DCHS1: variants seen among roughly 807,000 people sequenced by gnomAD.
DCHS1 encodes the protein protocadherin-16.
DCHS1 carries 78 observed loss-of-function variants against 213.9 expected under a neutral mutation model. The ratio of observed to expected loss-of-function variants is 0.36; its 90% CI spans 0.30 to 0.44. The LOEUF (loss-of-function observed/expected upper bound fraction) is 0.44. Among genes scored for constraint, DCHS1 ranks in the 20% least tolerant of loss-of-function variants. The pLI is 1.00. For missense variants in DCHS1, 3,946 were observed against 4,395.9 expected (o/e 0.90, Z 2.89); for synonymous variants, 1,828 against 1,873.7 (o/e 0.98, Z 0.63).
In DCHS1 at chr11:6,626,707, G is replaced by A; in HGVS notation, c.6251-42C>T. On this transcript the variant is annotated intron_variant, in intron 14 of 20. Transcript: ENST00000299441. The surrounding 1 kb of genome is among the most constrained non-coding windows in gnomAD (Gnocchi z 5.2). ...ATTGTTGGACTGTGAGCGCGAGACT[G>A]GGAGAGTTTGGGGGACATTTTCAAA... 1 of 1,611,526 alleles carries A rather than the reference G, an allele frequency of 6.2e-7. No homozygotes were observed. Among genetic ancestry groups the A allele is most frequent in the Non-Finnish European group, 8.5e-7 (1 of 1,178,918 alleles).
chr11:6,627,570 C>T lies in DCHS1; in HGVS notation c.5469G>A (p.Leu1823=). 6.2e-7 allele frequency: 1 copy of T among 1,612,894 alleles called. No homozygotes were observed. The highest frequency in any genetic ancestry group is 8.5e-7 in the Non-Finnish European group (1 of 1,179,660). Residue 1823 remains leucine (L), a synonymous_variant, in exon 14 of 21, where the codon CTG becomes CTA. Coordinates refer to ENST00000299441, the MANE Select transcript of DCHS1 (RefSeq NM_003737.4). The surrounding 1 kb of genome is among the most constrained non-coding windows in gnomAD (Gnocchi z 5.4). ...GGCCTCCATCCCGGGCCTCTATCCT[C>T]AGCTGGAAAGCTGGCTCCACTTCTC... ...LDREVEPAFQ[L]RIEARDGGQP... is the part of the protein sequence containing the mutation.
At chr11:6,652,077 G>A (rs895146644) in intron 1 of DCHS1, among the ~76,000 whole-genome samples, 2 of 152,210 alleles carry the variant, frequency 1.3e-5, no homozygotes, top group African/African-American at 4.8e-5. Flanking sequence ...GTGACATTCA[G>A]GGGGCATACA....
chr11:6,639,945 G>C lies in DCHS1; in HGVS notation c.1669C>G (p.Pro557Ala), dbSNP rs377088444. 1 of 1,614,028 alleles carries C rather than the reference G, an allele frequency of 6.2e-7. No individual in the cohort carries two copies. Among genetic ancestry groups the C allele is most frequent in the Admixed American group, 1.7e-5 (1 of 60,034 alleles). The change falls in exon 2 of 21, where the codon CCT (proline) becomes GCT (alanine). Residue 557 changes from proline to alanine, a missense_variant. Pro to Ala is a conservative substitution (Grantham distance 27, BLOSUM62 -1). Coordinates refer to ENST00000299441, the MANE Select transcript of DCHS1 (RefSeq NM_003737.4). ...IVVATDGGLP[P>A]LASSATVSVA... is the part of the protein sequence containing the mutation. The stretch of plus-strand genomic sequence containing the variant: ...CTAACTGTGGCAGAGGAGGCTAGAG[G>C]GGGCAGGCCACCATCTGTGGCCACC...
At position 6,641,018 on chromosome 11, in the gene DCHS1, G is replaced by A; in HGVS notation, c.596C>T (p.Pro199Leu). The A allele has an allele frequency of 6.2e-7, 1 of 1,614,008 alleles. No homozygotes were observed. The highest frequency in any genetic ancestry group is 1.6e-4 in the Middle Eastern group (1 of 6,062). Residue 199 changes from proline (P) to leucine (L), a missense_variant, in exon 2 of 21, where the codon CCA becomes CTA. Physicochemically the swap from Pro to Leu is moderately conservative, Grantham distance 98. Around this residue, in one of 3 missense-constraint regions of DCHS1, gnomAD observed 3,384 missense variants for 3,780.1 expected, o/e 0.90. Coordinates refer to ENST00000299441, the MANE Select transcript of DCHS1 (RefSeq NM_003737.4). This position sits in a 1 kb window ranked among gnomAD's most constrained non-coding sequence, Gnocchi z 7.1. ...CAGCTCAGGTACTGGAGTCCCATCT[G>A]GACCGGGGCGTGTCTCCAGCCGGAA... The part of the protein sequence containing the change: ...ETFRLETRPG[P>L]DGTPVPELVV...
Position 6,629,769 on chromosome 11 carries a change from C to A in DCHS1, c.4938G>T (p.Ala1646=), listed in dbSNP as rs77585323. Residue 1646 remains alanine, a synonymous_variant, in exon 11 of 21, where the codon GCG becomes GCT. Coordinates refer to ENST00000299441, the MANE Select transcript of DCHS1 (RefSeq NM_003737.4). ...TGTACTCCTGCTGCTGGAAAGTAGG[C>A]GCCTCGTCGTTGACGTCAGCGACAC... ...TVSVADVNDE[A]PTFQQQEYSV... 4,716 of 1,613,718 alleles carry A rather than the reference C, an allele frequency of 2.9e-3. 10 individuals are homozygous for A. Among genetic ancestry groups the A allele is most frequent in the Non-Finnish European group, 3.8e-3 (4,510 of 1,179,894 alleles).
Position 6,632,305 on chromosome 11 carries a change from T to C in DCHS1, c.3207A>G (p.Ile1069Met), listed in dbSNP as rs750519535. The change falls in exon 6 of 21, where the codon ATA becomes ATG. Residue 1069 changes from isoleucine to methionine, a missense_variant. Physicochemically the swap from Ile to Met is conservative, Grantham distance 10. Coordinates refer to ENST00000299441, the MANE Select transcript of DCHS1 (RefSeq NM_003737.4). This position sits in a 1 kb window ranked among gnomAD's most constrained non-coding sequence, Gnocchi z 5.9. ...ALDREAQELY[I>M]LKVMAVSGSK... The stretch of plus-strand genomic sequence containing the variant: ...ACCCAGACACTGCCATTACCTTCAG[T>C]ATGTACAATTCCTGGGCCTCACGGT... 2 of 1,613,918 alleles carry C rather than the reference T, an allele frequency of 1.2e-6. No individual in the cohort carries two copies. The highest frequency in any genetic ancestry group is 1.7e-6 in the Non-Finnish European group (2 of 1,179,846).
At chr11:6,642,760 A>C (rs1341867094) in intron 1 of DCHS1, among the ~76,000 whole-genome samples, 2 of 152,186 alleles carry the variant, frequency 1.3e-5, no homozygotes, top group Non-Finnish European at 2.9e-5. Flanking sequence ...CCACTAAAGC[A>C]CTTCAAGGAG....
Position 6,622,248 on chromosome 11 carries a change from A to T in DCHS1, c.9428T>A (p.Val3143Glu). Residue 3143 changes from valine (V) to glutamate (E), a missense_variant, in exon 21 of 21, where the codon GTG (valine) becomes GAG (glutamate). Val to Glu is a moderately radical substitution (Grantham distance 121). Around this residue, in one of 3 missense-constraint regions of DCHS1, gnomAD observed 554 missense variants for 590.2 expected, o/e 0.94. Coordinates refer to ENST00000299441, the MANE Select transcript of DCHS1 (RefSeq NM_003737.4). This position sits in a 1 kb window ranked among gnomAD's most constrained non-coding sequence, Gnocchi z 5.4. The part of the protein sequence containing the change: ...YGFPADGKPC[V>E]AGALTAIVAG... ...CACAATGGCTGTCAGCGCACCTGCC[A>T]CACATGGCTTGCCATCTGCTGGGAA... The T allele has an allele frequency of 6.2e-7, 1 of 1,603,206 alleles. No homozygotes were observed. The highest frequency in any genetic ancestry group is 1.1e-5 in the South Asian group (1 of 89,716).
intron 1 of DCHS1, among the ~76,000 whole-genome samples, chr11:6,650,379 G>T (rs1201398242): frequency 6.6e-6 from 1 of 152,140 alleles, no homozygotes; most frequent in Non-Finnish European, 1.5e-5. Context: ...GTGTCAGAAG[G>T]TTACCTAGGG....
Position 6,640,419 on chromosome 11 carries a change from C to G in DCHS1, c.1195G>C (p.Ala399Pro). ...CCTTCCAGGGACACATTGACATGGGCAAAGTCACCATCATCTGGGTCTGAC... is the reference window on the plus strand; with the variant it reads ...CCTTCCAGGGACACATTGACATGGGGAAAGTCACCATCATCTGGGTCTGAC... ...SVSDPDDGDFAHVNVSLEGGE... is the reference protein window; with the variant it reads ...SVSDPDDGDFPHVNVSLEGGE... Residue 399 changes from alanine to proline, a missense_variant, in exon 2 of 21, where the codon GCC becomes CCC. Physicochemically the swap from Ala to Pro is conservative, Grantham distance 27. This residue lies in a region of DCHS1 where 3,384 missense variants were observed against 3,780.1 expected (regional missense o/e 0.90). Coordinates refer to ENST00000299441, the MANE Select transcript of DCHS1 (RefSeq NM_003737.4). This position sits in a 1 kb window ranked among gnomAD's most constrained non-coding sequence, Gnocchi z 6.5. 1 of 1,613,952 alleles carries G rather than the reference C, an allele frequency of 6.2e-7. No homozygotes were observed. The highest frequency in any genetic ancestry group is 8.5e-7 in the Non-Finnish European group (1 of 1,179,882).
In DCHS1 at chr11:6,655,806, C is replaced by A. The variant is rs1856308794; in HGVS notation, c.-364G>T. On this transcript the variant is annotated 5_prime_UTR_variant, in exon 1 of 21. Coordinates refer to ENST00000299441, the MANE Select transcript of DCHS1 (RefSeq NM_003737.4). ...GCCGCCCCGCCGAGGATGCGAGCTCCGCTGCCGCGGCCCCGCGCCCCCTCC... is the reference window on the plus strand; with the variant it reads ...GCCGCCCCGCCGAGGATGCGAGCTCAGCTGCCGCGGCCCCGCGCCCCCTCC... 1 of 952,368 alleles carries A rather than the reference C, an allele frequency of 1.1e-6. No individual in the cohort carries two copies. Among genetic ancestry groups the A allele is most frequent in the African/African-American group, 1.9e-5 (1 of 53,822 alleles). 59.0% of individuals were successfully genotyped at this position (952,368 alleles called of 1,614,324 possible). A position where few individuals can be genotyped will look rare whatever the true frequency, so the allele number is the denominator to read the frequency against.
rs773321588 is a variant in DCHS1 at position 6,624,727 on chromosome 11, C to T, written c.7285+3G>A. ...CAAGGGGCAGATCCTGGGAAAGACG[C>T]ACCATTGTTGGGGTCAACACTGAAG... is the stretch of plus-strand genomic sequence containing the variant. On this transcript the variant is annotated splice_donor_region_variant and intron_variant, in intron 20 of 20. Transcript: ENST00000299441. 19 of 1,613,788 alleles carry T rather than the reference C, an allele frequency of 1.2e-5. No homozygotes were observed. In the South Asian group the frequency reaches 1.8e-4, roughly 15 times the overall value.
chr11:6,641,168 G>A lies in DCHS1; in HGVS notation c.446C>T (p.Ala149Val), dbSNP rs2134645873. ...AGCTGTATGCTCAGGTACCTGCAGG[G>A]CAGCCCGAGCCTGTGGGAAGGCTGG... is the stretch of plus-strand genomic sequence containing the variant. The part of the protein sequence containing the change: ...HAPAFPQARA[A>V]LQVPEHTAFG... Residue 149 changes from alanine to valine, a missense_variant, in exon 2 of 21, where the codon GCC becomes GTC. This residue lies in a region of DCHS1 where 3,384 missense variants were observed against 3,780.1 expected (regional missense o/e 0.90). Coordinates refer to ENST00000299441, the MANE Select transcript of DCHS1 (RefSeq NM_003737.4). The surrounding 1 kb of genome is among the most constrained non-coding windows in gnomAD (Gnocchi z 7.1). 1.9e-6 allele frequency: 3 copies of A among 1,613,500 alleles called. No homozygotes were observed. The highest frequency in any genetic ancestry group is 1.7e-6 in the Non-Finnish European group (2 of 1,179,848).
Position 6,633,420 on chromosome 11 carries a change from T to A in DCHS1, c.2447A>T (p.Asn816Ile). Residue 816 changes from asparagine to isoleucine, a missense_variant, in exon 5 of 21, where the codon AAC becomes ATC. Around this residue, in one of 3 missense-constraint regions of DCHS1, gnomAD observed 3,384 missense variants for 3,780.1 expected, o/e 0.90. Coordinates refer to ENST00000299441, the MANE Select transcript of DCHS1 (RefSeq NM_003737.4). ...GTSVGIVQAH[N>I]PPGRLAPVTL... ...ATAAAGCTAAATGATACCTGGTGGG[T>A]TGTGTGCCTGGACTATGCCCACACT... 6.4e-7 allele frequency: 1 copy of A among 1,555,570 alleles called. No homozygotes were observed. Among genetic ancestry groups the A allele is most frequent in the Non-Finnish European group, 8.7e-7 (1 of 1,149,000 alleles).
Position 6,628,799 on chromosome 11 carries a change from C to T in DCHS1, c.5193G>A (p.Gln1731=). 2 of 1,613,920 alleles carry T rather than the reference C, an allele frequency of 1.2e-6. No individual in the cohort carries two copies. The highest frequency in any genetic ancestry group is 1.7e-6 in the Non-Finnish European group (2 of 1,179,844). The part of the protein sequence containing the change: ...VYAQDRGSPP[Q]LTHVTVRVAV... The stretch of plus-strand genomic sequence containing the variant: ...CCACTCGAACAGTGACATGCGTTAA[C>T]TGAGGAGGTGAGCCCCTGTCCTGGG... The change falls in exon 13 of 21, where the codon CAG becomes CAA. Residue 1731 remains glutamine, a synonymous_variant. Coordinates refer to ENST00000299441, the MANE Select transcript of DCHS1 (RefSeq NM_003737.4). The surrounding 1 kb of genome is among the most constrained non-coding windows in gnomAD (Gnocchi z 4.3).
rs1564864270 is a variant in DCHS1, at chr11:6,630,780, C to CGACAGTCCCTCAGTGCT, written c.4013_4014insAGCACTGAGGGACTGTC (p.Val1339AlafsTer7). Reference sequence around the variant, plus strand: ...GCCGCAGTCCCTCAGCTGCTGTCACCGTCAGCACGACAGGCACTGGTGCCG... The same window carrying CGACAGTCCCTCAGTGCT: ...GCCGCAGTCCCTCAGCTGCTGTCACCGACAGTCCCTCAGTGCTGTCAGCACGACAGGCACTGGTGCCG... On this transcript the variant is annotated frameshift_variant, in exon 10 of 21. Transcript: ENST00000299441. LOFTEE classifies it high-confidence loss of function. 6.5e-7 allele frequency: 1 copy of CGACAGTCCCTCAGTGCT among 1,547,560 alleles called. No homozygotes were observed. The highest frequency in any genetic ancestry group is 1.2e-5 in the South Asian group (1 of 83,932).
chr11:6,634,258 A>C lies in DCHS1; in HGVS notation c.1846T>G (p.Ser616Ala). ...GAGGACCCAAGTCCAGCACCCAAGGAATAGGAGAGGAGGCCAAATGGGCCA... is the reference window on the plus strand; with the variant it reads ...GAGGACCCAAGTCCAGCACCCAAGGCATAGGAGAGGAGGCCAAATGGGCCA... ...DSGPFGLLSY[S>A]LGAGLGSSGS... The change falls in exon 3 of 21, where the codon TCC becomes GCC. Residue 616 changes from serine (S) to alanine (A), a missense_variant. By Grantham distance (99) the Ser-to-Ala change is moderately conservative (BLOSUM62 1). This residue lies in a region of DCHS1 where 3,384 missense variants were observed against 3,780.1 expected (regional missense o/e 0.90). Coordinates refer to ENST00000299441, the MANE Select transcript of DCHS1 (RefSeq NM_003737.4). 6.2e-7 allele frequency: 1 copy of C among 1,613,258 alleles called. No individual in the cohort carries two copies. Among genetic ancestry groups the C allele is most frequent in the Non-Finnish European group, 8.5e-7 (1 of 1,179,470 alleles).
intron 1 of DCHS1, among the ~76,000 whole-genome samples, chr11:6,647,647 G>A (rs1018308724): frequency 1.3e-5 from 2 of 152,186 alleles, no homozygotes; most frequent in African/African-American, 2.4e-5. Context: ...AAGGAATCCC[G>A]GCTTCCATTT....
intron 1 of DCHS1, among the ~76,000 whole-genome samples, chr11:6,650,412 G>C (rs764551631): frequency 1.3e-5 from 2 of 152,182 alleles, no homozygotes; most frequent in Non-Finnish European, 2.9e-5. Flanking sequence ...GGAGCTGAAG[G>C]AAGGGGGGTC....
Sources: allele counts gnomAD v4.1 joint callset (sites outside exome capture counted in the v4.1 genomes callset), GRCh38; gene constraint gnomAD v4.1.1; regional missense constraint gnomAD v4.1.1; non-coding constraint Gnocchi (gnomAD v3.1); transcripts MANE v1.5; gene names NCBI Gene and HGNC (gene_info 2026-07-23, HGNC 2026-07-21).